PRPF38B: variants seen among roughly 807,000 people sequenced by gnomAD.
The protein encoded by PRPF38B is pre-mRNA processing factor 38B.
PRPF38B carries 18 observed loss-of-function variants against 67.2 expected under a neutral mutation model. That is an observed-to-expected ratio of 0.27 (90% CI 0.19 to 0.40). The LOEUF is 0.40. PRPF38B is among the 10% of genes least tolerant of loss of function. PRPF38B has a pLI of 1.00. For synonymous variants in PRPF38B, 246 were observed against 234.2 expected (o/e 1.05, Z -0.46); for missense variants, 544 against 684.9 (o/e 0.79, Z 2.30).
intron 5 of PRPF38B, 23 bp from the exon 6 acceptor site, chr1:108,699,139 C>A (rs770311576): frequency 6.4e-7 from 1 of 1,562,720 alleles, no homozygotes; most frequent in East Asian, 2.2e-5. Context: ...TTGAAATTTT[C>A]TTTCTCCCTC....
chr1:108,692,708 C>A lies in PRPF38B; in HGVS notation c.117C>A (p.Val39=), dbSNP rs780050829. The A allele has an allele frequency of 4.3e-6, 7 of 1,613,544 alleles. No homozygotes were observed. Among genetic ancestry groups the A allele is most frequent in the Admixed American group, 3.3e-5 (2 of 60,024 alleles). ...CGGGGATKPA[V]SGKQGNVLPL... is the part of the protein sequence containing the mutation. ...GCGGCGGCGCTACCAAGCCGGCGGTCTCCGGCAAGCAGGGCAATGTGCTCC... is the reference window on the plus strand; with the variant it reads ...GCGGCGGCGCTACCAAGCCGGCGGTATCCGGCAAGCAGGGCAATGTGCTCC... The change falls in exon 1 of 6, where the codon GTC becomes GTA. Residue 39 remains valine (V), a synonymous_variant. Transcript: ENST00000370025.
intron 1 of PRPF38B, among the ~76,000 whole-genome samples, chr1:108,694,416 A>G (rs1659646766): frequency 6.6e-6 from 1 of 152,166 alleles, no homozygotes. Flanking sequence ...AATTGTTTTT[A>G]AATTCCGTTA....
At position 108,699,881 on chromosome 1, in the gene PRPF38B, G is replaced by C; in HGVS notation, c.1502G>C (p.Ser501Thr). The C allele has an allele frequency of 1.2e-6, 2 of 1,614,150 alleles. No homozygotes were observed. The highest frequency in any genetic ancestry group is 1.7e-6 in the Non-Finnish European group (2 of 1,180,016). Residue 501 changes from serine to threonine, a missense_variant, in exon 6 of 6, where the codon AGT becomes ACT. This residue lies in a region of PRPF38B where 387 missense variants were observed against 386.1 expected (regional missense o/e 1.00). Transcript: ENST00000370025. ...SPSKEKSRKR[S>T]RSKERSHKRD... The stretch of plus-strand genomic sequence containing the variant: ...AGCAAAGAAAAATCTAGAAAGCGTA[G>C]TAGAAGCAAAGAACGTTCCCACAAA...
In PRPF38B at chr1:108,699,448, GAGAA is replaced by G. The variant is rs1660216255; in HGVS notation, c.1075_1078del (p.Glu359MetfsTer39). The G allele has an allele frequency of 6.2e-7, 1 of 1,613,436 alleles. No homozygotes were observed. The highest frequency in any genetic ancestry group is 8.5e-7 in the Non-Finnish European group (1 of 1,179,624). On this transcript the variant is annotated frameshift_variant, in exon 6 of 6. Transcript: ENST00000370025. LOFTEE classifies it high-confidence loss of function. ...TAGAAGGGACAGGGATCGAGAAAGA[GAGAA>G]AGAAAATGAGAGAGGTAGAAGACGA... is the stretch of plus-strand genomic sequence containing the variant.
Position 108,700,174 on chromosome 1 carries a change from A to G in PRPF38B, c.*154A>G. ...CTTTCGTGTAGGGAAGTGCCTTTGT[A>G]ATTCCATTTATTGCATTGGTGTTTT... is the stretch of plus-strand genomic sequence containing the variant. On this transcript the variant is annotated 3_prime_UTR_variant, in exon 6 of 6. Coordinates refer to ENST00000370025, the MANE Select transcript of PRPF38B (RefSeq NM_018061.4). 2 of 1,261,538 alleles carry G rather than the reference A, an allele frequency of 1.6e-6. No homozygotes were observed. Among genetic ancestry groups the G allele is most frequent in the South Asian group, 2.0e-5 (1 of 51,230 alleles). The allele number at this position is 1,261,538 out of a possible 1,614,324, so 78.1% of individuals were successfully genotyped here.
chr1:108,695,746 G>A lies in PRPF38B; in HGVS notation c.321G>A (p.Ala107=), dbSNP rs373088534. 25 of 1,613,810 alleles carry A rather than the reference G, an allele frequency of 1.5e-5. 1 individual carries two copies. Among genetic ancestry groups the A allele is most frequent in the Admixed American group, 8.3e-5 (5 of 59,992 alleles). Residue 107 remains alanine, a synonymous_variant, in exon 2 of 6, where the codon GCG becomes GCA. Coordinates refer to ENST00000370025, the MANE Select transcript of PRPF38B (RefSeq NM_018061.4). ...GGGAGAAAGGAAGCAGGAAAACAGC[G>A]GGCCAGACAGGGATGTGCGGAGGGG... The part of the protein sequence containing the change: ...EPWEKGSRKT[A]GQTGMCGGVR...
Position 108,699,927 on chromosome 1 carries a change from G to A in PRPF38B, c.1548G>A (p.Lys516=). Residue 516 remains lysine (K), a synonymous_variant, in exon 6 of 6, where the codon AAG becomes AAA. Transcript: ENST00000370025. ...RSHKRDHSDS[K]DQSDKHDRRR... ...ACAAACGAGATCACAGTGATAGTAA[G>A]GACCAGTCAGACAAACATGATCGTC... 2 of 1,614,106 alleles carry A rather than the reference G, an allele frequency of 1.2e-6. No homozygotes were observed. The highest frequency in any genetic ancestry group is 1.7e-6 in the Non-Finnish European group (2 of 1,180,016).
In PRPF38B at chr1:108,699,763, G is replaced by T. The variant is rs1325111276; in HGVS notation, c.1384G>T (p.Glu462Ter). 1 of 1,613,110 alleles carries T rather than the reference G, an allele frequency of 6.2e-7. No individual in the cohort carries two copies. The change falls in exon 6 of 6, where the codon GAA (glutamate) becomes TAA (stop). Residue 462 changes from glutamate (E) to a stop codon, truncating the protein, a stop_gained. Transcript: ENST00000370025. LOFTEE classifies it high-confidence loss of function. ...SKEKSSKHKN[E>*]SKEKSNKRSR... ...AGAGAAATCAAGTAAACATAAAAAT[G>T]AAAGTAAAGAAAAATCAAATAAACG...
At position 108,698,590 on chromosome 1, in the gene PRPF38B, T is replaced by C. The variant is rs201316945; in HGVS notation, c.559-14T>C. 2 of 1,560,366 alleles carry C rather than the reference T, an allele frequency of 1.3e-6. No homozygotes were observed. Among genetic ancestry groups the C allele is most frequent in the Non-Finnish European group, 8.8e-7 (1 of 1,138,306 alleles). On this transcript the variant is annotated splice_polypyrimidine_tract_variant and intron_variant, in intron 4 of 5. Coordinates refer to ENST00000370025, the MANE Select transcript of PRPF38B (RefSeq NM_018061.4). ...CTTTTTTTGACGGCTAGGGTATCTT[T>C]TGTGTTTCTGTAGGACCTAGATGTG...
In PRPF38B at chr1:108,694,830, TTTG is replaced by T. The variant is rs150089718; in HGVS notation, c.277-862_277-860del. On this transcript the variant is annotated intron_variant, in intron 1 of 5. Coordinates refer to ENST00000370025, the MANE Select transcript of PRPF38B (RefSeq NM_018061.4). ...GATTCTATTTTAGAGTTAATATTCT[TTTG>T]TTGTTGTTGCTGTTGTTGTTGCTAT... Among the ~76,000 whole-genome samples, 276 of 152,288 alleles carry T rather than the reference TTTG, an allele frequency of 1.8e-3. 3 individuals are homozygous for T. Among genetic ancestry groups the T allele is most frequent in the African/African-American group, 6.4e-3 (267 of 41,568 alleles).
At chr1:108,693,720 G>T (rs1659561517) in intron 1 of PRPF38B, 1 of 857,294 alleles carries the variant, frequency 1.2e-6, no homozygotes. Flanking sequence ...ATTTTTGTGG[G>T]TTTTTTTGGC....
In PRPF38B at chr1:108,701,363, T is replaced by C. The variant is rs1277585102; in HGVS notation, c.*1343T>C. The C allele has an allele frequency of 6.6e-6, 1 of 152,556 alleles. No homozygotes were observed. The highest frequency in any genetic ancestry group is 1.5e-5 in the Non-Finnish European group (1 of 68,042). 9.5% of individuals were successfully genotyped at this position (152,556 alleles called of 1,614,324 possible). ...ATTGGGCATGTGGTAATCAATAATC[T>C]TTATTAGAATACTTGATAATGGCAG... is the stretch of plus-strand genomic sequence containing the variant. On this transcript the variant is annotated 3_prime_UTR_variant, in exon 6 of 6. Transcript: ENST00000370025.
chr1:108,699,384 G>A lies in PRPF38B; in HGVS notation c.1005G>A (p.Arg335=). The A allele has an allele frequency of 3.7e-6, 6 of 1,614,082 alleles. No homozygotes were observed. The highest frequency in any genetic ancestry group is 5.1e-6 in the Non-Finnish European group (6 of 1,180,002). ...GCAGGCGCAGCAGAAGTAGGGAAAG[G>A]CATAGAAGTCGCAGTCGAAGTCGTG... The part of the protein sequence containing the change: ...LERRRSRSRE[R]HRSRSRSRDR... The change falls in exon 6 of 6, where the codon AGG becomes AGA. Residue 335 remains arginine, a synonymous_variant. Coordinates refer to ENST00000370025, the MANE Select transcript of PRPF38B (RefSeq NM_018061.4).
Position 108,701,469 on chromosome 1 carries a change from T to A in PRPF38B, c.*1449T>A, listed in dbSNP as rs1448310721. The A allele has an allele frequency of 1.3e-5, 2 of 152,258 alleles. No homozygotes were observed. Among genetic ancestry groups the A allele is most frequent in the Non-Finnish European group, 2.9e-5 (2 of 68,048 alleles). 9.4% of individuals were successfully genotyped at this position (152,258 alleles called of 1,614,324 possible). A position where few individuals can be genotyped will look rare whatever the true frequency, so the allele number is the denominator to read the frequency against. Reference sequence around the variant, plus strand: ...AGACGTTTATTGGGATACCTTTTACTTGGACAATATGTTAGCATTTTTTAA... The same window carrying A: ...AGACGTTTATTGGGATACCTTTTACATGGACAATATGTTAGCATTTTTTAA... On this transcript the variant is annotated 3_prime_UTR_variant, in exon 6 of 6. Transcript: ENST00000370025.
intron 1 of PRPF38B, among the ~76,000 whole-genome samples, chr1:108,694,150 GAGT>G (rs1161316090): frequency 6.6e-6 from 1 of 152,312 alleles, no homozygotes; most frequent in East Asian, 1.9e-4. Context: ...CCTCTTACGA[GAGT>G]AGGTCTGATT....
In PRPF38B at chr1:108,700,044, C is replaced by T; in HGVS notation, c.*24C>T. 4 of 1,562,888 alleles carry T rather than the reference C, an allele frequency of 2.6e-6. No individual in the cohort carries two copies. The highest frequency in any genetic ancestry group is 3.4e-6 in the Non-Finnish European group (4 of 1,160,834). ...GAAAATATTTTGTAAAAGTGGATCA[C>T]ATTGAATCCTATAAATGATTAAATC... is the stretch of plus-strand genomic sequence containing the variant. On this transcript the variant is annotated 3_prime_UTR_variant, in exon 6 of 6. Transcript: ENST00000370025.
chr1:108,692,615 G>A lies in PRPF38B; in HGVS notation c.24G>A (p.Leu8=), dbSNP rs770083717. The A allele has an allele frequency of 3.7e-6, 6 of 1,603,464 alleles. No individual in the cohort carries two copies. The highest frequency in any genetic ancestry group is 4.3e-6 in the Non-Finnish European group (5 of 1,176,040). The change falls in exon 1 of 6, where the codon CTG becomes CTA. Residue 8 remains leucine (L), a synonymous_variant. Coordinates refer to ENST00000370025, the MANE Select transcript of PRPF38B (RefSeq NM_018061.4). MANNSPA[L]TGNSQPQHQA... is the part of the protein sequence containing the mutation. ...ACATGGCTAACAACAGCCCCGCGCT[G>A]ACAGGCAACTCGCAGCCGCAGCACC...
In PRPF38B at chr1:108,692,750, G is replaced by A. The variant is rs778276262; in HGVS notation, c.159G>A (p.Glu53=). Reference sequence around the variant, plus strand: ...ATGTGCTCCCGCTCTGGGGCAACGAGAAGACCATGAACCTCAACCCCATGA... The same window carrying A: ...ATGTGCTCCCGCTCTGGGGCAACGAAAAGACCATGAACCTCAACCCCATGA... ...QGNVLPLWGN[E]KTMNLNPMIL... The change falls in exon 1 of 6, where the codon GAG becomes GAA. Residue 53 remains glutamate (E), a synonymous_variant. Coordinates refer to ENST00000370025, the MANE Select transcript of PRPF38B (RefSeq NM_018061.4). 6.2e-6 allele frequency: 10 copies of A among 1,613,976 alleles called. No individual in the cohort carries two copies. In the African/African-American group the frequency reaches 1.2e-4, roughly 19 times the overall value.
Position 108,692,507 on chromosome 1 carries a change from G to C in PRPF38B, c.-85G>C. ...CTCCCGACGACGTTCGATGGAGTAG[G>C]GTCCCAGACCGTTGTCCCGAAGAGC... is the stretch of plus-strand genomic sequence containing the variant. On this transcript the variant is annotated 5_prime_UTR_variant, in exon 1 of 6. Coordinates refer to ENST00000370025, the MANE Select transcript of PRPF38B (RefSeq NM_018061.4). 3 of 1,411,894 alleles carry C rather than the reference G, an allele frequency of 2.1e-6. No individual in the cohort carries two copies. The highest frequency in any genetic ancestry group is 2.8e-6 in the Non-Finnish European group (3 of 1,071,294). 87.5% of individuals were successfully genotyped at this position (1,411,894 alleles called of 1,614,324 possible). A position where few individuals can be genotyped will look rare whatever the true frequency, so the allele number is the denominator to read the frequency against.
Sources: allele counts gnomAD v4.1 joint callset (sites outside exome capture counted in the v4.1 genomes callset), GRCh38; gene constraint gnomAD v4.1.1; regional missense constraint gnomAD v4.1.1; transcripts MANE v1.5; gene names NCBI Gene and HGNC (gene_info 2026-07-23, HGNC 2026-07-21).